LRRIQ3: variants seen among roughly 807,000 people sequenced by gnomAD.
LRRIQ3 encodes leucine rich repeats and IQ motif containing 3, also known as leucine-rich repeat and IQ domain-containing protein 3.
In LRRIQ3, 75 loss-of-function variants were observed where a neutral mutation model predicts 59.3. The observed-to-expected ratio is 1.26, with a 90% confidence interval of 1.05 to 1.53. The LOEUF (loss-of-function observed/expected upper bound fraction) is 1.53, where lower values mean the gene tolerates loss of function less well. Among genes scored for constraint, LRRIQ3 ranks in the 40% most tolerant of loss-of-function variants. The pLI is 0.00. For missense variants in LRRIQ3, 831 were observed against 710.0 expected (o/e 1.17, Z -1.94); for synonymous variants, 250 against 231.3 (o/e 1.08, Z -0.73).
intron 6 of LRRIQ3, among the ~76,000 whole-genome samples, chr1:74,051,934 G>A (rs957695923): frequency 6.6e-6 from 1 of 151,950 alleles, no homozygotes; most frequent in Non-Finnish European, 1.5e-5. Flanking sequence ...GCCATAAAGA[G>A]TGAAAAAAAT....
At chr1:74,089,143 T>C (rs927578930) in intron 5 of LRRIQ3, among the ~76,000 whole-genome samples, 2 of 152,064 alleles carry the variant, frequency 1.3e-5, no homozygotes, top group African/African-American at 4.8e-5. Context: ...GTTATAATCA[T>C]AAAGACATAA....
rs750155109 is a variant in LRRIQ3, at chr1:74,041,481, G to T, written c.1450C>A (p.Arg484=). The T allele has an allele frequency of 1.2e-6, 2 of 1,613,214 alleles. No homozygotes were observed. The highest frequency in any genetic ancestry group is 2.7e-5 in the African/African-American group (2 of 74,930). ...ENKETIQNSL[R]QVWQNRFNYL... ...TTGAATCTGTTTTGCCAAACTTGTC[G>T]TAAACTGTTCTGAATTGTCTCTTTA... Residue 484 remains arginine, a synonymous_variant, in exon 7 of 8, where the codon CGA becomes AGA. Transcript: ENST00000354431.
At chr1:74,035,024 T>G (rs1382400097) in intron 7 of LRRIQ3, among the ~76,000 whole-genome samples, 1 of 151,988 alleles carries the variant, frequency 6.6e-6, no homozygotes, top group Non-Finnish European at 1.5e-5. Context: ...TTTGAAAGGG[T>G]AAAATAAAAT....
intron 6 of LRRIQ3, among the ~76,000 whole-genome samples, chr1:74,051,483 CTT>C (rs1654367693): frequency 2.0e-5 from 3 of 152,114 alleles, no homozygotes; most frequent in African/African-American, 7.2e-5. Flanking sequence ...TTGAGATATA[CTT>C]AATATTCCAT....
At chr1:74,079,903 C>G (rs1646254407) in intron 5 of LRRIQ3, among the ~76,000 whole-genome samples, 1 of 151,660 alleles carries the variant, frequency 6.6e-6, no homozygotes, top group African/African-American at 2.4e-5. Flanking sequence ...ACATTCTCTT[C>G]TTTTCTTCCT....
intron 4 of LRRIQ3, among the ~76,000 whole-genome samples, chr1:74,136,087 G>C (rs547101046): frequency 6.6e-6 from 1 of 151,816 alleles, no homozygotes; most frequent in South Asian, 2.1e-4. Flanking sequence ...AATATCAAAA[G>C]AAAATATGAG....
intron 1 of LRRIQ3, among the ~76,000 whole-genome samples, chr1:74,188,024 C>T (rs1234744833): frequency 6.6e-6 from 1 of 152,052 alleles, no homozygotes; most frequent in African/African-American, 2.4e-5. Flanking sequence ...AACCTAAATG[C>T]CCATAAATGG....
chr1:74,170,877 A>G (rs1427231504), intron 3 of LRRIQ3, among the ~76,000 whole-genome samples: 5 of 151,970 alleles, frequency 3.3e-5, no homozygotes, highest in Admixed American at 6.6e-5. Context: ...TCAGTGTACA[A>G]GTTTTCACCT....
rs111780774 is a variant in LRRIQ3 at position 74,106,976 on chromosome 1, C to T, written c.867+2418G>A. ...CATCCTCCATTTCTTCTATTCTGAC[C>T]CAGCTGCTTTTGTCAAATTCACTCC... On this transcript the variant is annotated intron_variant, in intron 5 of 7. Transcript: ENST00000354431. Among the ~76,000 whole-genome samples the T allele has an allele frequency of 3.3e-5, 5 of 151,854 alleles. No individual in the cohort carries two copies. In the South Asian group the frequency reaches 8.3e-4, roughly 25 times the overall value.
At chr1:74,171,887 T>G (rs1045573551) in intron 3 of LRRIQ3, among the ~76,000 whole-genome samples, 1 of 152,162 alleles carries the variant, frequency 6.6e-6, no homozygotes, top group Non-Finnish European at 1.5e-5. Context: ...TATTTATCAT[T>G]TCTTCTAAGT....
At chr1:74,135,952 T>C (rs577793639) in intron 4 of LRRIQ3, among the ~76,000 whole-genome samples, 62 of 151,924 alleles carry the variant, frequency 4.1e-4, no homozygotes, top group African/African-American at 1.4e-3. Context: ...ATTAATAAAA[T>C]CATTGATTCT....
intron 5 of LRRIQ3, among the ~76,000 whole-genome samples, chr1:74,090,823 G>A (rs1204074980): frequency 6.6e-6 from 1 of 152,056 alleles, no homozygotes; most frequent in East Asian, 1.9e-4. Flanking sequence ...GAGTCCAGGA[G>A]GTCAAGATTG....
At chr1:74,062,508 G>A (rs780138671) in intron 6 of LRRIQ3, among the ~76,000 whole-genome samples, 37 of 152,138 alleles carry the variant, frequency 2.4e-4, no homozygotes, top group Non-Finnish European at 4.6e-4. Context: ...ATTTCTGAAA[G>A]GACTTAAAAC....
chr1:74,082,374 TA>T (rs775529598), intron 5 of LRRIQ3: 7 of 151,570 alleles, frequency 4.6e-5, no homozygotes, highest in Non-Finnish European at 8.9e-5. Flanking sequence ...GAGACATACG[TA>T]TATGAGTAAT....
At chr1:74,055,606 C>G (rs1046174958) in intron 6 of LRRIQ3, among the ~76,000 whole-genome samples, 3 of 152,054 alleles carry the variant, frequency 2.0e-5, no homozygotes, top group Admixed American at 2.0e-4. Flanking sequence ...TTTTTACTTA[C>G]TGGTTGATGG....
At chr1:74,195,790 C>T (rs1402591194) in intron 1 of LRRIQ3, among the ~76,000 whole-genome samples, 4 of 152,084 alleles carry the variant, frequency 2.6e-5, no homozygotes, top group African/African-American at 9.7e-5. Context: ...ATATTTTACT[C>T]TGGTAAAATG....
At chr1:74,150,780 G>A (rs970211749) in intron 4 of LRRIQ3, among the ~76,000 whole-genome samples, 1 of 151,864 alleles carries the variant, frequency 6.6e-6, no homozygotes, top group Non-Finnish European at 1.5e-5. Flanking sequence ...TTTACTTACA[G>A]AAAATATTCA....
intron 2 of LRRIQ3, 60 bp downstream of exon 2, chr1:74,183,376 T>C: frequency 2.8e-6 from 4 of 1,416,008 alleles, no homozygotes; most frequent in Non-Finnish European, 3.8e-6. Flanking sequence ...GTAACATAAG[T>C]ACTTATTATA....
intron 6 of LRRIQ3, among the ~76,000 whole-genome samples, chr1:74,058,687 G>A (rs939596030): frequency 6.6e-6 from 1 of 151,982 alleles, no homozygotes; most frequent in Non-Finnish European, 1.5e-5. Flanking sequence ...ACAATTTGTT[G>A]CATGTTTTCA....
Sources: gnomAD v4.1 joint callset for allele counts (sites outside exome capture counted in the v4.1 genomes callset) on GRCh38, gnomAD v4.1.1 for gene constraint, MANE v1.5 for transcripts, NCBI Gene and HGNC (gene_info 2026-07-23, HGNC 2026-07-21) for gene names.